The following TSGA13 variants were observed in gnomAD, a reference collection of about 807,000 sequenced individuals.
TSGA13 encodes testis-specific gene 13 protein.
TSGA13 carries 37 observed loss-of-function variants against 35.1 expected under a neutral mutation model. That is an observed-to-expected ratio of 1.05 (90% confidence interval 0.81 to 1.39). The LOEUF is 1.39. TSGA13 is among the 40% of genes most tolerant of loss of function. The probability of loss-of-function intolerance (pLI) is 0.00; values close to 1 mark genes in which losing one functional copy is unlikely to be tolerated. For missense variants in TSGA13, 338 were observed against 328.5 expected, an observed-to-expected ratio of 1.03 and a Z score of -0.22; for synonymous variants, 124 against 121.2, an observed-to-expected ratio of 1.02 and a Z score of -0.15.
chr7:130,676,932 G>C (rs1196281243), intron 5 of TSGA13, among the ~76,000 whole-genome samples: 1 of 146,854 alleles, frequency 6.8e-6, no homozygotes, highest in East Asian at 2.0e-4. Flanking sequence ...TCCCTCTGTC[G>C]CCCAGGCTGG....
intron 7 of TSGA13, among the ~76,000 whole-genome samples, chr7:130,671,236 T>G (rs1796262201): frequency 6.6e-6 from 1 of 152,112 alleles, no homozygotes; most frequent in African/African-American, 2.4e-5. Context: ...TAGATAAACA[T>G]TTTAAAATTT....
chr7:130,672,608 A>G lies in TSGA13; in HGVS notation c.530+126T>C, dbSNP rs891818221. The G allele has an allele frequency of 3.9e-6, 5 of 1,294,206 alleles. No individual in the cohort carries two copies. The African/African-American group carries it at 7.5e-5, about 19-fold the overall frequency. The allele number at this position is 1,294,206 out of a possible 1,614,324, so 80.2% of individuals were successfully genotyped here. A position where few individuals can be genotyped will look rare whatever the true frequency, so the allele number is the denominator to read the frequency against. ...TCAATGAGGTTAGGGTCATGTAGGG[A>G]AAGTCGTGTCTTACTATCTTTGTAC... is the stretch of plus-strand genomic sequence containing the variant. On this transcript the variant is annotated intron_variant, in intron 6 of 7. Transcript: ENST00000356588.
chr7:130,669,124 G>T lies in TSGA13; in HGVS notation c.718C>A (p.Leu240Ile). ...ISKVIREPLT[L>I]ASLLEDMPTR... ...GGCATGTCTTCCAAGAGCGATGCGA[G>T]TGTCAGTGGTTCCCGAATCACTTTG... The change falls in exon 8 of 8, where the codon CTC becomes ATC. Residue 240 changes from leucine to isoleucine, a missense_variant. Leu to Ile is a conservative substitution (Grantham distance 5). Coordinates refer to ENST00000356588, the MANE Select transcript of TSGA13 (RefSeq NM_052933.4). 2.5e-6 allele frequency: 4 copies of T among 1,614,216 alleles called. No homozygotes were observed. The highest frequency in any genetic ancestry group is 2.5e-6 in the Non-Finnish European group (3 of 1,180,030).
chr7:130,668,904 A>C lies in TSGA13; in HGVS notation c.*110T>G. ...TTCGGCTCGACCCTCCCGGCTTGCG[A>C]CCCGGGAGCCCACGCCCGCAGCAGC... On this transcript the variant is annotated 3_prime_UTR_variant, in exon 8 of 8. Transcript: ENST00000356588. The C allele has an allele frequency of 1.4e-6, 2 of 1,470,414 alleles. No individual in the cohort carries two copies. The highest frequency in any genetic ancestry group is 1.8e-6 in the Non-Finnish European group (2 of 1,097,620). 91.1% of individuals were successfully genotyped at this position (1,470,414 alleles called of 1,614,324 possible). A position where few individuals can be genotyped will look rare whatever the true frequency, so the allele number is the denominator to read the frequency against.
chr7:130,672,443 C>T (rs1217518763), intron 6 of TSGA13, among the ~76,000 whole-genome samples: 3 of 151,704 alleles, frequency 2.0e-5, no homozygotes, highest in African/African-American at 4.8e-5. Context: ...TGTGATATAG[C>T]GCCTAACTTG....
intron 5 of TSGA13, among the ~76,000 whole-genome samples, chr7:130,675,311 C>T (rs1554463991): frequency 6.9e-6 from 1 of 145,188 alleles, no homozygotes; most frequent in Non-Finnish European, 1.5e-5. Flanking sequence ...TTCCCTATAA[C>T]TTCAGCCTTC....
Position 130,670,248 on chromosome 7 carries a change from A to C in TSGA13, c.659-1065T>G, listed in dbSNP as rs563519739. Reference sequence around the variant, plus strand: ...GGTGGCAGATAGGTATAGCAGGAGCAGAGAAGCCTGAAGAAGCCAGTTAAG... The same window carrying C: ...GGTGGCAGATAGGTATAGCAGGAGCCGAGAAGCCTGAAGAAGCCAGTTAAG... On this transcript the variant is annotated intron_variant, in intron 7 of 7. Coordinates refer to ENST00000356588, the MANE Select transcript of TSGA13 (RefSeq NM_052933.4). 2.0e-5 allele frequency among the ~76,000 whole-genome samples: 3 copies of C among 152,356 alleles called. No homozygotes were observed. The South Asian group carries it at 6.2e-4, about 32-fold the overall frequency.
Position 130,672,830 on chromosome 7 carries a change from C to T in TSGA13, c.434G>A (p.Arg145His), listed in dbSNP as rs752990789. 18 of 1,613,638 alleles carry T rather than the reference C, an allele frequency of 1.1e-5. No individual in the cohort carries two copies. In the East Asian group the frequency reaches 2.0e-4, roughly 18 times the overall value. Residue 145 changes from arginine to histidine, a missense_variant, in exon 6 of 8, where the codon CGC becomes CAC. Coordinates refer to ENST00000356588, the MANE Select transcript of TSGA13 (RefSeq NM_052933.4). ...HKPTENLWLP[R>H]MPQKKKLRSK... Reference sequence around the variant, plus strand: ...TCTTAACTTTTTTTTCTGAGGCATGCGGGGCAGCCAGAGGTTCTCAGTGGG... The same window carrying T: ...TCTTAACTTTTTTTTCTGAGGCATGTGGGGCAGCCAGAGGTTCTCAGTGGG...
At chr7:130,685,625 T>C (rs1270124474) in intron 1 of TSGA13, among the ~76,000 whole-genome samples, 1 of 152,192 alleles carries the variant, frequency 6.6e-6, no homozygotes, top group Admixed American at 6.5e-5. Flanking sequence ...AATTCCATGA[T>C]AGTGATGAGA....
chr7:130,676,979 G>T (rs1796426772), intron 5 of TSGA13, among the ~76,000 whole-genome samples: 1 of 150,324 alleles, frequency 6.7e-6, no homozygotes, highest in Admixed American at 6.7e-5. Flanking sequence ...TGCGAGCTCC[G>T]CCTCCCACGT....
intron 5 of TSGA13, among the ~76,000 whole-genome samples, chr7:130,676,533 T>C (rs1377323707): frequency 6.6e-6 from 1 of 152,192 alleles, no homozygotes; most frequent in African/African-American, 2.4e-5. Flanking sequence ...CAATGTATGG[T>C]CCACCCACTG....
At chr7:130,681,493 T>G (rs1402786755) in intron 3 of TSGA13, among the ~76,000 whole-genome samples, 1 of 152,160 alleles carries the variant, frequency 6.6e-6, no homozygotes, top group East Asian at 1.9e-4. Flanking sequence ...GGGTCAACTC[T>G]GCCAATTGAG....
At chr7:130,680,839 A>G (rs1470967451) in intron 4 of TSGA13, 107 bp downstream of exon 4, 1 of 1,022,894 alleles carries the variant, frequency 9.8e-7, no homozygotes, top group Non-Finnish European at 1.5e-6. Context: ...ACGCACAGTC[A>G]CAGAAGCTGG....
chr7:130,674,167 T>TCC (rs1796353168), intron 5 of TSGA13, among the ~76,000 whole-genome samples: 1 of 122,710 alleles, frequency 8.1e-6, no homozygotes, highest in Admixed American at 9.1e-5. Context: ...TTTTCTTTTT[T>TCC]TCTTTTTTTT....
chr7:130,686,814 T>C (rs1436487812), upstream of TSGA13: 2 of 152,094 alleles, frequency 1.3e-5, no homozygotes, highest in Non-Finnish European at 2.9e-5. Context: ...GTGAGCATTT[T>C]TTCTTATTCC....
Position 130,679,173 on chromosome 7 carries a change from C to A in TSGA13, c.369G>T (p.Glu123Asp). The change falls in exon 5 of 8, where the codon GAG becomes GAT. Residue 123 changes from glutamate to aspartate, a missense_variant. Transcript: ENST00000356588. Reference sequence around the variant, plus strand: ...TGCTTACCATGACCTTGAGCAGTAACTCCTTGGAAAAATATTTTGATGCAC... The same window carrying A: ...TGCTTACCATGACCTTGAGCAGTAAATCCTTGGAAAAATATTTTGATGCAC... ...KESASKYFSKELLLKVMESHH... is the reference protein window; with the variant it reads ...KESASKYFSKDLLLKVMESHH... The A allele has an allele frequency of 6.2e-7, 1 of 1,614,116 alleles. No homozygotes were observed. The highest frequency in any genetic ancestry group is 8.5e-7 in the Non-Finnish European group (1 of 1,179,972).
intron 3 of TSGA13, 54 bp downstream of exon 3, chr7:130,683,540 A>C: frequency 6.5e-7 from 1 of 1,535,978 alleles, no homozygotes. Flanking sequence ...TATTAAGTAC[A>C]CTAAGCAGCT....
intron 2 of TSGA13, among the ~76,000 whole-genome samples, chr7:130,684,494 A>C (rs1316423912): frequency 1.3e-5 from 2 of 152,244 alleles, no homozygotes; most frequent in African/African-American, 4.8e-5. Context: ...ATTAGCTCAA[A>C]GTAAGAAGAA....
At chr7:130,670,877 C>T (rs1554462853) in intron 7 of TSGA13, among the ~76,000 whole-genome samples, 2 of 152,222 alleles carry the variant, frequency 1.3e-5, no homozygotes, top group African/African-American at 2.4e-5. Context: ...TCCTCCTGCC[C>T]CAGCCTCCCA....
Sources: allele counts gnomAD v4.1 joint callset (sites outside exome capture counted in the v4.1 genomes callset), GRCh38; gene constraint gnomAD v4.1.1; transcripts MANE v1.5; gene names NCBI Gene and HGNC (gene_info 2026-07-23, HGNC 2026-07-21).